The following MACROD2 variants were observed in gnomAD, a reference collection of about 807,000 sequenced individuals.
MACROD2 encodes the protein ADP-ribose glycohydrolase MACROD2.
Under a neutral mutation model 70.4 loss-of-function variants are expected in MACROD2, and 36 were observed. The ratio of observed to expected loss-of-function variants is 0.51; its 90% confidence interval spans 0.39 to 0.68. MACROD2 has a LOEUF of 0.68. Ranked by LOEUF, MACROD2 falls within the 30% of genes least tolerant of loss-of-function variation. The pLI is 0.00. For synonymous variants in MACROD2, 172 were observed against 178.8 expected (o/e 0.96, Z 0.30); for missense variants, 496 against 538.4 (o/e 0.92, Z 0.78).
chr20:15,664,815 C>A (rs549996638), intron 8 of MACROD2, among the ~76,000 whole-genome samples: 27 of 152,144 alleles, frequency 1.8e-4, no homozygotes, highest in Non-Finnish European at 3.8e-4. Flanking sequence ...GTTCAGCTAA[C>A]CTCAGGGTCA....
chr20:14,195,355 T>A (rs938941409), intron 3 of MACROD2, among the ~76,000 whole-genome samples: 1 of 152,008 alleles, frequency 6.6e-6, no homozygotes, highest in Non-Finnish European at 1.5e-5. Flanking sequence ...GCTTGGAATG[T>A]CCCTCTGATA....
intron 3 of MACROD2, among the ~76,000 whole-genome samples, chr20:14,290,931 C>T (rs2082381523): frequency 6.6e-6 from 1 of 152,172 alleles, no homozygotes. Context: ...AGTTTGGGAA[C>T]ATAATTTATG....
intron 6 of MACROD2, among the ~76,000 whole-genome samples, chr20:15,399,138 A>C (rs1568776920): frequency 6.6e-6 from 1 of 152,150 alleles, no homozygotes; most frequent in East Asian, 1.9e-4. Flanking sequence ...TGACTTCCCC[A>C]AGCAGACAGG....
At position 15,241,752 on chromosome 20, in the gene MACROD2, G is replaced by T. The variant is rs142828686; in HGVS notation, c.540+11691G>T. On this transcript the variant is annotated intron_variant, in intron 6 of 17. Coordinates refer to ENST00000684519, the MANE Select transcript of MACROD2 (RefSeq NM_001351661.2). Reference sequence around the variant, plus strand: ...CAATGTAAAAAAATAGATATTTAGGGTATTTCTCTCAAAAAAAAAAAAAAA... The same window carrying T: ...CAATGTAAAAAAATAGATATTTAGGTTATTTCTCTCAAAAAAAAAAAAAAA... Among the ~76,000 whole-genome samples, 431 of 133,970 alleles carry T rather than the reference G, an allele frequency of 3.2e-3. 3 individuals are homozygous for T. The highest frequency in any genetic ancestry group is 0.012 in the African/African-American group (410 of 33,848). The allele number at this position is 133,970 out of a possible 152,430, so 87.9% of individuals were successfully genotyped here.
intron 8 of MACROD2, among the ~76,000 whole-genome samples, chr20:15,609,881 A>G (rs986344930): frequency 6.6e-6 from 1 of 152,200 alleles, no homozygotes; most frequent in African/African-American, 2.4e-5. Flanking sequence ...CAGATTGACC[A>G]TAGTTACTCA....
At chr20:14,132,403 C>T (rs2054730337) in intron 3 of MACROD2, among the ~76,000 whole-genome samples, 1 of 152,064 alleles carries the variant, frequency 6.6e-6, no homozygotes, top group East Asian at 1.9e-4. Context: ...ATGTATGTAG[C>T]TTACTGGAAT....
intron 5 of MACROD2, among the ~76,000 whole-genome samples, chr20:15,220,392 A>G (rs2145964306): frequency 6.6e-6 from 1 of 152,356 alleles, no homozygotes; most frequent in Middle Eastern, 3.4e-3. Flanking sequence ...GATTTGTCAT[A>G]TTCCCTGCAG....
chr20:15,136,062 G>A (rs7353685), intron 5 of MACROD2, among the ~76,000 whole-genome samples: 80,723 of 141,554 alleles, frequency 0.57, 22,854 homozygotes, highest in East Asian at 0.58. Flanking sequence ...AAATAAAAGA[G>A]GATACAAACA....
At chr20:15,128,073 C>A (rs1231589189) in intron 5 of MACROD2, among the ~76,000 whole-genome samples, 1 of 152,030 alleles carries the variant, frequency 6.6e-6, no homozygotes. Context: ...TTAGAGTCAC[C>A]TACTCACCGT....
chr20:14,804,877 T>TTGTGTG (rs929473471), intron 5 of MACROD2, among the ~76,000 whole-genome samples: 1 of 147,920 alleles, frequency 6.8e-6, no homozygotes, highest in Admixed American at 6.8e-5. Flanking sequence ...GTGTGTGCTT[T>TTGTGTG]TGTGTGTGTG....
At chr20:15,634,987 G>A (rs1237774867) in intron 8 of MACROD2, among the ~76,000 whole-genome samples, 1 of 152,202 alleles carries the variant, frequency 6.6e-6, no homozygotes, top group Non-Finnish European at 1.5e-5. Flanking sequence ...TAAGTGTCTA[G>A]AAGCAGTTGT....
chr20:15,354,389 T>C (rs569983972), intron 6 of MACROD2, among the ~76,000 whole-genome samples: 19 of 152,228 alleles, frequency 1.2e-4, no homozygotes, highest in East Asian at 9.7e-4. Flanking sequence ...TTAGGAGATA[T>C]ACCTAATGTT....
chr20:14,893,294 A>G (rs1054613328), intron 5 of MACROD2: 5 of 152,134 alleles, frequency 3.3e-5, no homozygotes, highest in African/African-American at 1.2e-4. Flanking sequence ...CCTGCTATCA[A>G]TTCTTTTCAT....
At chr20:14,600,194 C>T (rs1379411675) in intron 4 of MACROD2, among the ~76,000 whole-genome samples, 1 of 151,950 alleles carries the variant, frequency 6.6e-6, no homozygotes, top group Admixed American at 6.6e-5. Flanking sequence ...TCAGTCAAAT[C>T]ACTTAATCTT....
intron 5 of MACROD2, among the ~76,000 whole-genome samples, chr20:15,015,657 G>A (rs187941440): frequency 6.6e-6 from 1 of 152,250 alleles, no homozygotes; most frequent in East Asian, 1.9e-4. Context: ...TAAAAAAGAG[G>A]ACATAATTGT....
intron 8 of MACROD2, among the ~76,000 whole-genome samples, chr20:15,571,403 A>G (rs866097311): frequency 3.4e-5 from 5 of 146,964 alleles, no homozygotes; most frequent in Middle Eastern, 3.5e-3. Context: ...TCCTCTTGAA[A>G]ATGTTTGCAG....
chr20:14,107,388 A>C (rs2054383412), intron 3 of MACROD2, among the ~76,000 whole-genome samples: 1 of 152,122 alleles, frequency 6.6e-6, no homozygotes, highest in Non-Finnish European at 1.5e-5. Context: ...AGAATGAAGC[A>C]TGCCTACACG....
intron 3 of MACROD2, among the ~76,000 whole-genome samples, chr20:14,490,403 G>A (rs1035626082): frequency 1.3e-5 from 2 of 151,976 alleles, no homozygotes; most frequent in African/African-American, 4.8e-5. Flanking sequence ...TTATTTTAGG[G>A]GGAAGAAAAA....
chr20:14,855,822 C>T (rs1003943304), intron 5 of MACROD2, among the ~76,000 whole-genome samples: 1 of 151,702 alleles, frequency 6.6e-6, no homozygotes, highest in Admixed American at 6.6e-5. Flanking sequence ...GTCTTATAGT[C>T]CACTGACTAG....
Sources: allele counts gnomAD v4.1 joint callset (sites outside exome capture counted in the v4.1 genomes callset), GRCh38; gene constraint gnomAD v4.1.1; transcripts MANE v1.5; gene names NCBI Gene and HGNC (gene_info 2026-07-23, HGNC 2026-07-21).